CELF2: variants seen among roughly 807,000 people sequenced by gnomAD.
The protein encoded by CELF2 is CUGBP Elav-like family member 2.
CELF2 carries 8 observed loss-of-function variants against 62.6 expected under a neutral mutation model. The observed-to-expected ratio is 0.13, with a 90% confidence interval of 0.07 to 0.23. The LOEUF is 0.23. Among genes scored for constraint, CELF2 ranks in the 10% least tolerant of loss-of-function variants. The probability of loss-of-function intolerance (pLI) is 1.00; values close to 1 mark genes in which losing one functional copy is unlikely to be tolerated. For synonymous variants in CELF2, 258 were observed against 250.0 expected (o/e 1.03, Z -0.30); for missense variants, 333 against 671.0 (o/e 0.50, Z 5.56).
chr10:11,273,431 C>G (rs1317394118), intron 7 of CELF2, among the ~76,000 whole-genome samples: 1 of 152,108 alleles, frequency 6.6e-6, no homozygotes, highest in Non-Finnish European at 1.5e-5. Flanking sequence ...TCCCGATGAA[C>G]TGAGGTGGAG....
At chr10:10,809,423 C>G (rs1489120282) in intron 1 of CELF2, among the ~76,000 whole-genome samples, 1 of 152,130 alleles carries the variant, frequency 6.6e-6, no homozygotes, top group Non-Finnish European at 1.5e-5. Flanking sequence ...TATTCTTTTC[C>G]TTAAACTTTC....
the CELF2 span, among the ~76,000 whole-genome samples, chr10:10,603,420 T>A: frequency 1.3e-5 from 2 of 152,194 alleles, no homozygotes; most frequent in Non-Finnish European, 2.9e-5. Flanking sequence ...AATGAACAGC[T>A]GAGGAAGCAG....
Position 10,931,867 on chromosome 10 carries a change from T to C in CELF2, c.89+11868T>C, listed in dbSNP as rs1254224984. On this transcript the variant is annotated intron_variant, in intron 2 of 13. Coordinates refer to the CELF2 transcript ENST00000636488. The surrounding 1 kb of genome is among the most constrained non-coding windows in gnomAD (Gnocchi z 6.1). ...CATGGCTAGGGAGGCCTCACAACCA[T>C]GGCAGAAGGTGAATGAGGATCAAAG... 6.6e-6 allele frequency among the ~76,000 whole-genome samples: 1 copy of C among 152,196 alleles called. No individual in the cohort carries two copies. The highest frequency in any genetic ancestry group is 2.4e-5 in the African/African-American group (1 of 41,444).
intron 1 of CELF2, among the ~76,000 whole-genome samples, chr10:10,835,952 A>C (rs2132371360): frequency 6.6e-6 from 1 of 152,280 alleles, no homozygotes; most frequent in East Asian, 1.9e-4. Flanking sequence ...GTTTATGAAA[A>C]TGTGAAAGAT....
At chr10:10,633,024 G>A in the CELF2 span, among the ~76,000 whole-genome samples, 1 of 152,242 alleles carries the variant, frequency 6.6e-6, no homozygotes, top group South Asian at 2.1e-4. Flanking sequence ...TTGTATGAAT[G>A]TCCATACCTT....
At position 11,332,642 on chromosome 10, in the gene CELF2, G is replaced by A. The variant is rs566981039; in HGVS notation, c.*3589G>A. 3.1e-4 allele frequency: 47 copies of A among 152,942 alleles called. No individual in the cohort carries two copies. Among genetic ancestry groups the A allele is most frequent in the African/African-American group, 5.5e-4 (23 of 41,574 alleles). The allele number at this position is 152,942 out of a possible 1,614,324, so 9.5% of individuals were successfully genotyped here. ...TCTTCCTCTTCGGCATGCCCTGGAA[G>A]CTTCTTGGCCTCAGCTCCCCTTCCC... On this transcript the variant is annotated 3_prime_UTR_variant, in exon 13 of 13. Transcript: ENST00000633077.
intron 3 of CELF2, among the ~76,000 whole-genome samples, chr10:11,230,988 C>T (rs2068440596): frequency 6.6e-6 from 1 of 152,154 alleles, no homozygotes; most frequent in South Asian, 2.1e-4. Flanking sequence ...CTATCCGCAG[C>T]TTGAGAGACT....
At chr10:10,860,686 AG>A (rs1474047274) in intron 1 of CELF2, among the ~76,000 whole-genome samples, 1 of 152,206 alleles carries the variant, frequency 6.6e-6, no homozygotes, top group Non-Finnish European at 1.5e-5. Context: ...GAACCAGGAG[AG>A]GTTCACAGGG....
At chr10:11,022,227 T>G (rs116982811) in intron 1 of CELF2, among the ~76,000 whole-genome samples, 125 of 152,356 alleles carry the variant, frequency 8.2e-4, no homozygotes, top group Admixed American at 2.7e-3. Flanking sequence ...TCAGTTGAGA[T>G]TGCTCCGTTA....
Position 11,243,114 on chromosome 10 carries a change from A to G in CELF2, c.355-6039A>G, listed in dbSNP as rs2074491424. 6.6e-6 allele frequency among the ~76,000 whole-genome samples: 1 copy of G among 152,066 alleles called. No individual in the cohort carries two copies. Among genetic ancestry groups the G allele is most frequent in the African/African-American group, 2.4e-5 (1 of 41,404 alleles). ...TCTGTGTGCCGAGATGCTCCCCTCC[A>G]TGAGCTCCACCTTCATTGTGCATAG... is the stretch of plus-strand genomic sequence containing the variant. On this transcript the variant is annotated intron_variant, in intron 3 of 12. Transcript: ENST00000633077. This position sits in a 1 kb window ranked among gnomAD's most constrained non-coding sequence, Gnocchi z 4.1.
At chr10:10,558,838 A>G in the CELF2 span, among the ~76,000 whole-genome samples, 3 of 152,176 alleles carry the variant, frequency 2.0e-5, no homozygotes, top group Non-Finnish European at 4.4e-5. Context: ...GGTTTATAGT[A>G]TTCTCTGATG....
At chr10:10,502,848 A>G in the CELF2 span, among the ~76,000 whole-genome samples, 81 of 151,958 alleles carry the variant, frequency 5.3e-4, 1 homozygote, top group African/African-American at 1.8e-3. Flanking sequence ...GATTTGAGAC[A>G]TTTCTTCCTT....
the CELF2 span, among the ~76,000 whole-genome samples, chr10:10,565,909 T>C: frequency 6.6e-6 from 1 of 152,188 alleles, no homozygotes; most frequent in Non-Finnish European, 1.5e-5. Context: ...AATGAGGCAG[T>C]GGAGGTTGCC....
At chr10:11,312,233 G>T (rs2094598004) in intron 9 of CELF2, among the ~76,000 whole-genome samples, 2 of 152,160 alleles carry the variant, frequency 1.3e-5, no homozygotes, top group African/African-American at 4.8e-5. Flanking sequence ...AAAGCTAAAA[G>T]ACTTTTTCAC....
intron 1 of CELF2, among the ~76,000 whole-genome samples, chr10:11,025,211 G>A (rs77840887): frequency 1.7e-5 from 1 of 58,776 alleles, no homozygotes; most frequent in Admixed American, 2.7e-4. Context: ...ACATATATGT[G>A]TGTGTGTGTG....
the CELF2 span, among the ~76,000 whole-genome samples, chr10:10,640,105 G>A: frequency 2.6e-5 from 4 of 152,134 alleles, no homozygotes; most frequent in African/African-American, 7.2e-5. Flanking sequence ...CACTCTCAGT[G>A]TGCTACATCC....
intron 1 of CELF2, among the ~76,000 whole-genome samples, chr10:10,837,193 T>C (rs535895166): frequency 1.4e-4 from 21 of 152,270 alleles, no homozygotes; most frequent in Non-Finnish European, 2.8e-4. Context: ...TGGGAGATAA[T>C]TGAATCATGG....
At chr10:10,703,919 G>A in the CELF2 span, among the ~76,000 whole-genome samples, 3 of 152,152 alleles carry the variant, frequency 2.0e-5, no homozygotes, top group South Asian at 2.1e-4. Context: ...ACTTATACAC[G>A]ATCTCTTCTG....
At chr10:10,879,272 C>T (rs150823079) in intron 1 of CELF2, among the ~76,000 whole-genome samples, 1 of 152,324 alleles carries the variant, frequency 6.6e-6, no homozygotes, top group East Asian at 1.9e-4. Context: ...CTGGCTGCTC[C>T]TGTGTCTCCC....
Sources: allele counts gnomAD v4.1 joint callset (sites outside exome capture counted in the v4.1 genomes callset), GRCh38; gene constraint gnomAD v4.1.1; non-coding constraint Gnocchi (gnomAD v3.1); transcripts MANE v1.5; gene names NCBI Gene and HGNC (gene_info 2026-07-23, HGNC 2026-07-21).